Variants in FBXL14 observed in about 807,000 individuals in gnomAD.
FBXL14 encodes the protein F-box/LRR-repeat protein 14.
FBXL14 carries 11 observed loss-of-function variants against 24.5 expected under a neutral mutation model. The ratio of observed to expected loss-of-function variants is 0.45; its 90% CI spans 0.28 to 0.74. The LOEUF (loss-of-function observed/expected upper bound fraction) is 0.74, where lower values mean the gene tolerates loss of function less well. Ranked by LOEUF, FBXL14 falls within the 30% of genes least tolerant of loss-of-function variation. FBXL14 has a pLI of 0.12. For synonymous variants in FBXL14, 294 were observed against 240.4 expected (o/e 1.22, Z -2.06); for missense variants, 384 against 545.6 (o/e 0.70, Z 2.95).
At chr12:1,570,319 G>C (rs539831364) in intron 1 of FBXL14, among the ~76,000 whole-genome samples, 3 of 152,170 alleles carry the variant, frequency 2.0e-5, no homozygotes, top group Non-Finnish European at 4.4e-5. Context: ...GAAGTCAGCC[G>C]GGGTACAACA....
chr12:1,568,179 T>C (rs2094439407), intron 1 of FBXL14, among the ~76,000 whole-genome samples: 1 of 152,092 alleles, frequency 6.6e-6, no homozygotes, highest in African/African-American at 2.4e-5. Context: ...AAAAAACACA[T>C]TACCTGTAGA....
At chr12:1,580,251 G>A (rs2094463616) in intron 1 of FBXL14, among the ~76,000 whole-genome samples, 2 of 152,210 alleles carry the variant, frequency 1.3e-5, no homozygotes, top group Admixed American at 6.5e-5. Context: ...CAGAGCGAAC[G>A]CTGCCCTCTG....
intron 1 of FBXL14, among the ~76,000 whole-genome samples, chr12:1,582,012 A>G (rs919337892): frequency 2.0e-5 from 3 of 151,982 alleles, no homozygotes; most frequent in Admixed American, 1.3e-4. Flanking sequence ...TGTAGTCCCA[A>G]CTACTCAGGA....
intron 1 of FBXL14, 33 bp downstream of exon 1, chr12:1,592,840 C>T (rs565356553): frequency 2.0e-6 from 3 of 1,530,464 alleles, no homozygotes; most frequent in African/African-American, 2.7e-5. Context: ...CAGGGCGGGA[C>T]AAGGGGAGCT....
Position 1,579,883 on chromosome 12 carries a change from C to T in FBXL14, c.1194+12990G>A, listed in dbSNP as rs1033827101. 1.3e-5 allele frequency among the ~76,000 whole-genome samples: 2 copies of T among 152,168 alleles called. No individual in the cohort carries two copies. Among genetic ancestry groups the T allele is most frequent in the African/African-American group, 4.8e-5 (2 of 41,458 alleles). ...ATGCTGAAATGGAATGATGAGAACT[C>T]AGGGCCAGCCTGAAATGTTCATCCT... On this transcript the variant is annotated intron_variant, in intron 1 of 1. Coordinates refer to ENST00000339235, the MANE Select transcript of FBXL14 (RefSeq NM_152441.3). This position sits in a 1 kb window ranked among gnomAD's most constrained non-coding sequence, Gnocchi z 4.3.
intron 1 of FBXL14, among the ~76,000 whole-genome samples, chr12:1,586,483 A>G (rs531127420): frequency 6.6e-6 from 1 of 152,190 alleles, no homozygotes. Flanking sequence ...CTGGGACTAC[A>G]GATGTGTGCC....
intron 1 of FBXL14, 53 bp downstream of exon 1, chr12:1,592,820 G>A: frequency 1.4e-6 from 2 of 1,453,248 alleles, no homozygotes; most frequent in South Asian, 1.3e-5. Context: ...GGTGGTAATG[G>A]GAGGATGAAC....
intron 1 of FBXL14, among the ~76,000 whole-genome samples, chr12:1,588,566 A>G (rs1286267227): frequency 6.6e-6 from 1 of 152,212 alleles, no homozygotes; most frequent in South Asian, 2.1e-4. Flanking sequence ...AAATTGGCTG[A>G]GCCCCACAGG....
chr12:1,574,614 G>A (rs1314199271), intron 1 of FBXL14: 1 of 212,736 alleles, frequency 4.7e-6, no homozygotes, highest in East Asian at 1.7e-4. Flanking sequence ...TAGCCAGAAA[G>A]TTTGCAGAAC....
intron 1 of FBXL14, among the ~76,000 whole-genome samples, chr12:1,576,478 A>G (rs907226965): frequency 6.6e-6 from 1 of 152,230 alleles, no homozygotes; most frequent in Non-Finnish European, 1.5e-5. Context: ...GGGACTGAGA[A>G]GGAATTCAGT....
At chr12:1,588,981 T>C (rs2094482623) in intron 1 of FBXL14, among the ~76,000 whole-genome samples, 1 of 151,666 alleles carries the variant, frequency 6.6e-6, no homozygotes, top group Non-Finnish European at 1.5e-5. Flanking sequence ...ATAAGCTTGT[T>C]CATACGGTGT....
intron 1 of FBXL14, among the ~76,000 whole-genome samples, chr12:1,585,071 G>A (rs1019931754): frequency 5.9e-5 from 9 of 152,246 alleles, no homozygotes; most frequent in East Asian, 1.9e-4. Context: ...TAGTGACTAC[G>A]TCTCAGAAAG....
intron 1 of FBXL14, among the ~76,000 whole-genome samples, chr12:1,571,655 C>T (rs12306107): frequency 0.043 from 6,525 of 152,152 alleles, 486 homozygotes; most frequent in African/African-American, 0.15. Context: ...TACCTTGGGA[C>T]GGGGACACAG....
intron 1 of FBXL14, among the ~76,000 whole-genome samples, chr12:1,568,306 T>G (rs2094439608): frequency 6.6e-6 from 1 of 152,214 alleles, no homozygotes; most frequent in South Asian, 2.1e-4. Flanking sequence ...CTCTGAACCC[T>G]GCACAATTAT....
intron 1 of FBXL14, among the ~76,000 whole-genome samples, chr12:1,576,777 C>T (rs537571110): frequency 6.6e-6 from 1 of 152,270 alleles, no homozygotes; most frequent in South Asian, 2.1e-4. Flanking sequence ...TCGCCCCAGC[C>T]CTTGGCGGGG....
chr12:1,582,835 C>T (rs1160733650), intron 1 of FBXL14, among the ~76,000 whole-genome samples: 3 of 152,144 alleles, frequency 2.0e-5, no homozygotes, highest in African/African-American at 2.4e-5. Context: ...TTTGATTCCC[C>T]GAGGCCAGGC....
chr12:1,573,744 C>T (rs2094449631), intron 1 of FBXL14, among the ~76,000 whole-genome samples: 1 of 152,202 alleles, frequency 6.6e-6, no homozygotes, highest in Non-Finnish European at 1.5e-5. Context: ...GTGGCTCACA[C>T]CTGTAATCCC....
intron 1 of FBXL14, among the ~76,000 whole-genome samples, chr12:1,585,256 G>T (rs2094474234): frequency 6.6e-6 from 1 of 152,186 alleles, no homozygotes; most frequent in South Asian, 2.1e-4. Context: ...AAATTAGCCG[G>T]GCGTGGTGGC....
chr12:1,582,107 CAG>C (rs572648202), intron 1 of FBXL14, among the ~76,000 whole-genome samples: 77 of 144,306 alleles, frequency 5.3e-4, no homozygotes, highest in African/African-American at 1.8e-3. Flanking sequence ...GCCTGAGCAA[CAG>C]AGTGACTCTG....
Sources: gnomAD v4.1 joint callset for allele counts (sites outside exome capture counted in the v4.1 genomes callset) on GRCh38, gnomAD v4.1.1 for gene constraint, Gnocchi (gnomAD v3.1) non-coding constraint, MANE v1.5 for transcripts, NCBI Gene and HGNC (gene_info 2026-07-23, HGNC 2026-07-21) for gene names.